FNDC3B: variants seen among roughly 807,000 people sequenced by gnomAD.
FNDC3B encodes fibronectin type III domain-containing protein 3B.
Under a neutral mutation model 151.5 loss-of-function variants are expected in FNDC3B, and 12 were observed. The observed-to-expected ratio is 0.08, with a 90% CI of 0.05 to 0.13. FNDC3B has a LOEUF of 0.13. FNDC3B is among the 10% of genes least tolerant of loss of function. The probability of loss-of-function intolerance (pLI) is 1.00; values close to 1 mark genes in which losing one functional copy is unlikely to be tolerated. For synonymous variants in FNDC3B, 528 were observed against 549.0 expected, an observed-to-expected ratio of 0.96 and a Z score of 0.54; for missense variants, 1,214 against 1,505.3, an observed-to-expected ratio of 0.81 and a Z score of 3.20.
At chr3:172,355,514 C>T (rs1021239626) in intron 22 of FNDC3B, among the ~76,000 whole-genome samples, 5 of 121,194 alleles carry the variant, frequency 4.1e-5, no homozygotes, top group Admixed American at 9.0e-5. Flanking sequence ...ATTAGAAAAT[C>T]TAGGGGGGGG....
At chr3:172,301,064 C>T (rs1192354013) in intron 9 of FNDC3B, among the ~76,000 whole-genome samples, 1 of 152,160 alleles carries the variant, frequency 6.6e-6, no homozygotes, top group African/African-American at 2.4e-5. Flanking sequence ...CTGTCATTTA[C>T]TAAGGGTGTG....
At chr3:172,115,302 A>G (rs1339390468) in intron 2 of FNDC3B, among the ~76,000 whole-genome samples, 2 of 152,210 alleles carry the variant, frequency 1.3e-5, no homozygotes, top group African/African-American at 4.8e-5. Context: ...AGAGTGAAGG[A>G]GAAGGAAAAC....
intron 3 of FNDC3B, among the ~76,000 whole-genome samples, chr3:172,207,682 T>G (rs1313227729): frequency 6.6e-6 from 1 of 152,220 alleles, no homozygotes; most frequent in Non-Finnish European, 1.5e-5. Context: ...TAGCAGTGGC[T>G]CACACCTGTA....
Position 172,060,509 on chromosome 3 carries a change from G to T in FNDC3B, c.-29+20738G>T, listed in dbSNP as rs187571072. Among the ~76,000 whole-genome samples, 18 of 152,282 alleles carry T rather than the reference G, an allele frequency of 1.2e-4. No homozygotes were observed. In the East Asian group the frequency reaches 3.3e-3, roughly 28 times the overall value. Reference sequence around the variant, plus strand: ...CTTTAGAAGACCTAGAAGATTGTAGGAACAGATAGATTGCATGAACTGGTA... The same window carrying T: ...CTTTAGAAGACCTAGAAGATTGTAGTAACAGATAGATTGCATGAACTGGTA... On this transcript the variant is annotated intron_variant, in intron 1 of 25. Transcript: ENST00000415807.
At chr3:172,231,339 C>T (rs921522754) in intron 4 of FNDC3B, among the ~76,000 whole-genome samples, 1 of 152,022 alleles carries the variant, frequency 6.6e-6, no homozygotes, top group African/African-American at 2.4e-5. Flanking sequence ...TTTGCGGAGA[C>T]GAAAATGTTC....
intron 1 of FNDC3B, among the ~76,000 whole-genome samples, chr3:172,045,574 T>A (rs1324072897): frequency 6.6e-6 from 1 of 151,920 alleles, no homozygotes; most frequent in Non-Finnish European, 1.5e-5. Flanking sequence ...TGTAGGGGAG[T>A]CTTTGCAACC....
intron 25 of FNDC3B, among the ~76,000 whole-genome samples, chr3:172,385,049 T>C (rs1319955009): frequency 6.6e-6 from 1 of 151,614 alleles, no homozygotes; most frequent in Non-Finnish European, 1.5e-5. Context: ...CACAGTTGAG[T>C]CAGGGACAAT....
At chr3:172,228,283 A>G (rs543538225) in intron 4 of FNDC3B, among the ~76,000 whole-genome samples, 3 of 152,342 alleles carry the variant, frequency 2.0e-5, no homozygotes, top group African/African-American at 7.2e-5. Flanking sequence ...GTTAACAGAA[A>G]AGAACAAGGA....
intron 1 of FNDC3B, among the ~76,000 whole-genome samples, chr3:172,081,625 A>G (rs1325239390): frequency 3.3e-5 from 5 of 152,176 alleles, no homozygotes; most frequent in Non-Finnish European, 5.9e-5. Flanking sequence ...TTTTCCTTAG[A>G]TCGATAATAT....
At chr3:172,093,563 TA>T (rs1354343726) in intron 1 of FNDC3B, among the ~76,000 whole-genome samples, 1 of 152,114 alleles carries the variant, frequency 6.6e-6, no homozygotes, top group African/African-American at 2.4e-5. Flanking sequence ...CGGCCCCATC[TA>T]ATTTTTAAAT....
chr3:172,075,646 G>T (rs1165963257), intron 1 of FNDC3B, among the ~76,000 whole-genome samples: 2 of 151,396 alleles, frequency 1.3e-5, no homozygotes, highest in Non-Finnish European at 1.5e-5. Context: ...TCAGAGATAG[G>T]CTTCTATAGC....
At chr3:172,078,475 A>G (rs1471873710) in intron 1 of FNDC3B, among the ~76,000 whole-genome samples, 1 of 152,166 alleles carries the variant, frequency 6.6e-6, no homozygotes, top group Non-Finnish European at 1.5e-5. Context: ...GTCCACCTCC[A>G]GTGGAATGTA....
At chr3:172,348,864 A>G (rs1055427655) in intron 21 of FNDC3B, among the ~76,000 whole-genome samples, 3 of 152,222 alleles carry the variant, frequency 2.0e-5, no homozygotes, top group Non-Finnish European at 2.9e-5. Flanking sequence ...CTAAAGGACT[A>G]TTGCCAGGAA....
chr3:172,373,718 A>C (rs1734991139), intron 23 of FNDC3B, among the ~76,000 whole-genome samples: 1 of 152,346 alleles, frequency 6.6e-6, no homozygotes, highest in African/African-American at 2.4e-5. Flanking sequence ...TTCTAGCCAC[A>C]GGGGTGTTAA....
At chr3:172,197,637 A>G (rs1307236091) in intron 3 of FNDC3B, among the ~76,000 whole-genome samples, 1 of 152,236 alleles carries the variant, frequency 6.6e-6, no homozygotes, top group Non-Finnish European at 1.5e-5. Flanking sequence ...TGGCACAATA[A>G]TGCAGTCTTT....
At chr3:172,264,023 G>GT in intron 6 of FNDC3B, among the ~76,000 whole-genome samples, 1 of 152,164 alleles carries the variant, frequency 6.6e-6, no homozygotes, top group South Asian at 2.1e-4. Context: ...GTCTTGCTCT[G>GT]TTACCCAGGC....
chr3:172,179,718 C>CA (rs1313080572), intron 3 of FNDC3B, among the ~76,000 whole-genome samples: 2 of 151,814 alleles, frequency 1.3e-5, no homozygotes, highest in Non-Finnish European at 2.9e-5. Flanking sequence ...TCCGTCTCTA[C>CA]AAAAAATACA....
intron 1 of FNDC3B, among the ~76,000 whole-genome samples, chr3:172,080,286 T>C (rs1718215535): frequency 6.6e-6 from 1 of 152,106 alleles, no homozygotes; most frequent in Non-Finnish European, 1.5e-5. Flanking sequence ...TCTTTTTTTT[T>C]AAGAGACAGA....
chr3:172,120,066 A>G (rs556009086), intron 2 of FNDC3B, among the ~76,000 whole-genome samples: 1 of 152,226 alleles, frequency 6.6e-6, no homozygotes, highest in Non-Finnish European at 1.5e-5. Flanking sequence ...TACAAAGGAA[A>G]ATGTTGATGC....
Sources: gnomAD v4.1 joint callset for allele counts (sites outside exome capture counted in the v4.1 genomes callset) on GRCh38, gnomAD v4.1.1 for gene constraint, MANE v1.5 for transcripts, NCBI Gene and HGNC (gene_info 2026-07-23, HGNC 2026-07-21) for gene names.